SHISA9: variants seen among roughly 807,000 people sequenced by gnomAD.
SHISA9 encodes protein shisa-9.
In SHISA9, 13 loss-of-function variants were observed where a neutral mutation model predicts 38.0. The ratio of observed to expected loss-of-function variants is 0.34; its 90% CI spans 0.22 to 0.54. The LOEUF (loss-of-function observed/expected upper bound fraction) is 0.54. Among genes scored for constraint, SHISA9 ranks in the 20% least tolerant of loss-of-function variants. The pLI, the probability that SHISA9 is intolerant of heterozygous loss-of-function variation, is 0.91. For synonymous variants in SHISA9, 275 were observed against 242.0 expected, an observed-to-expected ratio of 1.14 and a Z score of -1.27; for missense variants, 538 against 575.8, an observed-to-expected ratio of 0.93 and a Z score of 0.67.
At chr16:12,960,803 C>G (rs1244564426) in intron 2 of SHISA9, among the ~76,000 whole-genome samples, 3 of 152,328 alleles carry the variant, frequency 2.0e-5, no homozygotes, top group African/African-American at 4.8e-5. Flanking sequence ...AACCCTCTCT[C>G]TCCCTCTCAT....
At chr16:12,996,126 G>T (rs916894988) in intron 2 of SHISA9, among the ~76,000 whole-genome samples, 18 of 152,194 alleles carry the variant, frequency 1.2e-4, no homozygotes, top group African/African-American at 4.1e-4. Flanking sequence ...GATGCTTTTT[G>T]ATGACAGTCT....
At chr16:12,911,567 T>G (rs1209775369) in intron 1 of SHISA9, 1 of 171,548 alleles carries the variant, frequency 5.8e-6, no homozygotes, top group African/African-American at 2.4e-5. Context: ...GACTTCATAC[T>G]ATCATTAGTT....
chr16:13,385,709 C>T, the SHISA9 span, among the ~76,000 whole-genome samples: 1 of 103,494 alleles, frequency 9.7e-6, no homozygotes, highest in Admixed American at 1.0e-4. Flanking sequence ...TGAAATAGTA[C>T]TCAGCAAAGA....
chr16:13,235,095 A>T lies in SHISA9; in HGVS notation c.961A>T (p.Asn321Tyr), dbSNP rs1454208856. The change falls in exon 5 of 5, where the codon AAC becomes TAC. Residue 321 changes from asparagine (N) to tyrosine (Y), a missense_variant. By Grantham distance (143) the Asn-to-Tyr change is moderately radical. Coordinates refer to ENST00000558583, the MANE Select transcript of SHISA9 (RefSeq NM_001145204.3). The stretch of plus-strand genomic sequence containing the variant: ...CCTGGCTGAGCTGGCTGCCAAGGGG[A>T]ACTTACCTCTGCACCCCGTAAGAGT... ...RHLAELAAKG[N>Y]LPLHPVRVED... The T allele has an allele frequency of 1.3e-6, 2 of 1,551,386 alleles. No homozygotes were observed.
chr16:13,274,753 C>G, the SHISA9 span, among the ~76,000 whole-genome samples: 1,438 of 152,250 alleles, frequency 9.4e-3, 26 homozygotes, highest in African/African-American at 0.033. Context: ...TGCCTCGAAG[C>G]TGGAAAAGCC....
rs114256585 is a variant in SHISA9, at chr16:12,977,611, G to A, written c.691+60796G>A. Among the ~76,000 whole-genome samples the A allele has an allele frequency of 9.4e-3, 1,437 of 152,254 alleles. 20 individuals are homozygous for A. The highest frequency in any genetic ancestry group is 0.033 in the African/African-American group (1,388 of 41,556). On this transcript the variant is annotated intron_variant, in intron 2 of 4. Transcript: ENST00000558583. ...ACTGGATAAAGAAAATGTGGTACCT[G>A]TCACCATGGAAAATACTATGCAGCC... is the stretch of plus-strand genomic sequence containing the variant.
At chr16:13,270,096 A>G in the SHISA9 span, among the ~76,000 whole-genome samples, 1 of 152,210 alleles carries the variant, frequency 6.6e-6, no homozygotes, top group Non-Finnish European at 1.5e-5. Flanking sequence ...AAGGGCTTAC[A>G]TGGAGCAATG....
At chr16:13,309,890 T>G in the SHISA9 span, among the ~76,000 whole-genome samples, 2 of 151,938 alleles carry the variant, frequency 1.3e-5, no homozygotes, top group Non-Finnish European at 2.9e-5. Context: ...ATTTATTTAT[T>G]TATTTATTTA....
the SHISA9 span, among the ~76,000 whole-genome samples, chr16:13,285,214 A>G: frequency 6.6e-6 from 1 of 152,164 alleles, no homozygotes; most frequent in African/African-American, 2.4e-5. Context: ...TGATGGCTCA[A>G]TAAGTTACTT....
At chr16:13,355,034 TAAAG>T in the SHISA9 span, among the ~76,000 whole-genome samples, 6 of 149,136 alleles carry the variant, frequency 4.0e-5, no homozygotes, top group South Asian at 1.4e-3. Flanking sequence ...AAAGGAATAG[TAAAG>T]AAAGCATGTT....
the SHISA9 span, among the ~76,000 whole-genome samples, chr16:13,453,356 C>G: frequency 2.0e-5 from 3 of 152,308 alleles, no homozygotes; most frequent in African/African-American, 7.2e-5. Flanking sequence ...GCCTGTAATT[C>G]TGTAACTCCC....
chr16:13,415,112 A>G, the SHISA9 span, among the ~76,000 whole-genome samples: 1 of 152,216 alleles, frequency 6.6e-6, no homozygotes, highest in African/African-American at 2.4e-5. Context: ...CAATCGATTT[A>G]CACCTCCACT....
At chr16:13,534,103 C>T in the SHISA9 span, among the ~76,000 whole-genome samples, 23 of 151,960 alleles carry the variant, frequency 1.5e-4, no homozygotes, top group Non-Finnish European at 2.5e-4. Context: ...TTTTTAAGAA[C>T]ACTTCCCTTA....
rs1004471648 is a variant in SHISA9 at position 12,977,718 on chromosome 16, C to G, written c.691+60903C>G. Among the ~76,000 whole-genome samples the G allele has an allele frequency of 3.9e-5, 6 of 151,924 alleles. No individual in the cohort carries two copies. The South Asian group carries it at 1.2e-3, about 32-fold the overall frequency. ...TATCCTCAGCAAACTAATGCAGGAA[C>G]AGAAAACCAAACACCGCATGGTCTC... On this transcript the variant is annotated intron_variant, in intron 2 of 4. Coordinates refer to ENST00000558583, the MANE Select transcript of SHISA9 (RefSeq NM_001145204.3).
chr16:13,015,758 C>A (rs2072735106), intron 2 of SHISA9, among the ~76,000 whole-genome samples: 1 of 151,824 alleles, frequency 6.6e-6, no homozygotes, highest in Admixed American at 6.6e-5. Context: ...TCATCAACAC[C>A]CTTGAAATCT....
At chr16:12,992,772 A>C (rs867465872) in intron 2 of SHISA9, among the ~76,000 whole-genome samples, 2 of 152,204 alleles carry the variant, frequency 1.3e-5, no homozygotes, top group African/African-American at 2.4e-5. Flanking sequence ...GAAAATGACA[A>C]GCGGTGTCTT....
At chr16:13,291,198 G>A in the SHISA9 span, among the ~76,000 whole-genome samples, 1 of 152,102 alleles carries the variant, frequency 6.6e-6, no homozygotes, top group Non-Finnish European at 1.5e-5. Flanking sequence ...GAGAGTGAAG[G>A]CAGACACCGC....
chr16:13,112,481 A>T (rs1411566047), intron 2 of SHISA9, among the ~76,000 whole-genome samples: 2 of 152,178 alleles, frequency 1.3e-5, no homozygotes, highest in African/African-American at 4.8e-5. Context: ...ATGCCTTGGA[A>T]TCTCTCAAGG....
chr16:12,986,658 C>T (rs11642538), intron 2 of SHISA9, among the ~76,000 whole-genome samples: 28,025 of 152,124 alleles, frequency 0.18, 3,367 homozygotes, highest in Middle Eastern at 0.31. Flanking sequence ...TTCTAGAATC[C>T]ATACACCTAG....
Sources: gnomAD v4.1 joint callset for allele counts (sites outside exome capture counted in the v4.1 genomes callset) on GRCh38, gnomAD v4.1.1 for gene constraint, MANE v1.5 for transcripts, NCBI Gene and HGNC (gene_info 2026-07-23, HGNC 2026-07-21) for gene names.